The following MRE11 variants were observed in gnomAD, a reference collection of about 807,000 sequenced individuals.
MRE11 encodes the protein double-strand break repair protein MRE11.
MRE11 carries 62 observed loss-of-function variants against 91.7 expected under a neutral mutation model. The ratio of observed to expected loss-of-function variants is 0.68; its 90% confidence interval spans 0.55 to 0.84. MRE11 has a LOEUF of 0.84. MRE11 is among the 40% of genes least tolerant of loss of function. The pLI is 0.00. For synonymous variants in MRE11, 273 were observed against 271.4 expected (o/e 1.01, Z -0.06); for missense variants, 796 against 852.9 (o/e 0.93, Z 0.83).
intron 6 of MRE11, 61 bp from the exon 7 acceptor site, chr11:94,476,464 T>C: frequency 1.8e-6 from 2 of 1,124,874 alleles, no homozygotes; most frequent in South Asian, 2.5e-5. Flanking sequence ...AAAATGAATC[T>C]ATTTTGCTTC....
At chr11:94,443,668 G>A (rs1433220252) in intron 16 of MRE11, among the ~76,000 whole-genome samples, 1 of 152,124 alleles carries the variant, frequency 6.6e-6, no homozygotes, top group Admixed American at 6.5e-5. Context: ...ACACGAATGC[G>A]CCTCATGGGA....
rs1047560890 is a variant in MRE11 at position 94,449,355 on chromosome 11, C to G, written c.1564-1917G>C. Among the ~76,000 whole-genome samples the G allele has an allele frequency of 3.3e-5, 5 of 152,338 alleles. No homozygotes were observed. In the South Asian group the frequency reaches 1.0e-3, roughly 32 times the overall value. On this transcript the variant is annotated intron_variant, in intron 14 of 19. Coordinates refer to ENST00000323929, the MANE Select transcript of MRE11 (RefSeq NM_005591.4). Reference sequence around the variant, plus strand: ...CAACAGTGATTTCAATTCATCTTTCCTGTCCCACATGAAATACAGTTAATC... The same window carrying G: ...CAACAGTGATTTCAATTCATCTTTCGTGTCCCACATGAAATACAGTTAATC...
intron 3 of MRE11, among the ~76,000 whole-genome samples, chr11:94,486,533 T>G (rs956750176): frequency 6.7e-6 from 1 of 149,358 alleles, no homozygotes; most frequent in Non-Finnish European, 1.5e-5. Flanking sequence ...AAATACTGAC[T>G]CTATGCAAGA....
At position 94,418,456 on chromosome 11, in the gene MRE11, C is replaced by A. The variant is rs1156591927; in HGVS notation, c.*1669G>T. On this transcript the variant is annotated 3_prime_UTR_variant, in exon 20 of 20. Transcript: ENST00000323929. ...TGTCAGGATACTTTAGTGACCATTCCCTCACTATAACTCTCACCCAGACCC... is the reference window on the plus strand; with the variant it reads ...TGTCAGGATACTTTAGTGACCATTCACTCACTATAACTCTCACCCAGACCC... 1 of 232,052 alleles carries A rather than the reference C, an allele frequency of 4.3e-6. No individual in the cohort carries two copies. The highest frequency in any genetic ancestry group is 2.2e-5 in the African/African-American group (1 of 45,208). The allele number at this position is 232,052 out of a possible 1,614,324, so 14.4% of individuals were successfully genotyped here.
At chr11:94,456,552 T>C (rs1946253029) in intron 13 of MRE11, among the ~76,000 whole-genome samples, 1 of 152,142 alleles carries the variant, frequency 6.6e-6, no homozygotes. Context: ...AGCAAAATTA[T>C]ATTACCTGCT....
intron 18 of MRE11, among the ~76,000 whole-genome samples, chr11:94,435,364 G>A (rs920143440): frequency 2.6e-5 from 4 of 152,108 alleles, no homozygotes; most frequent in African/African-American, 9.7e-5. Context: ...AGACCAGCTT[G>A]GGCAACATGG....
chr11:94,440,219 T>C (rs1479393554), intron 16 of MRE11, among the ~76,000 whole-genome samples: 1 of 152,244 alleles, frequency 6.6e-6, no homozygotes, highest in Non-Finnish European at 1.5e-5. Flanking sequence ...CATAGATGAA[T>C]ACTGTTTCCT....
At chr11:94,446,421 T>C (rs1945933752) in intron 15 of MRE11, among the ~76,000 whole-genome samples, 1 of 151,674 alleles carries the variant, frequency 6.6e-6, no homozygotes, top group Admixed American at 6.6e-5. Flanking sequence ...TCAAGAAAAA[T>C]TAAAAAACAA....
At chr11:94,499,851 G>A in the MRE11 span, among the ~76,000 whole-genome samples, 1 of 151,986 alleles carries the variant, frequency 6.6e-6, no homozygotes, top group African/African-American at 2.4e-5. Context: ...GCCATCCTAC[G>A]TAACCCAGTC....
the MRE11 span, among the ~76,000 whole-genome samples, chr11:94,502,154 T>C: frequency 2.3e-3 from 347 of 152,340 alleles, 2 homozygotes; most frequent in African/African-American, 7.9e-3. Flanking sequence ...CTCTCTGAGA[T>C]AATCATTGTA....
chr11:94,422,026 T>G (rs972432068), intron 19 of MRE11, among the ~76,000 whole-genome samples: 1 of 152,208 alleles, frequency 6.6e-6, no homozygotes, highest in Non-Finnish European at 1.5e-5. Context: ...TAATAATGGT[T>G]AGTTTTATGT....
intron 13 of MRE11, 37 bp from the exon 14 acceptor site, chr11:94,456,375 T>TGA (rs751004671): frequency 5.3e-6 from 8 of 1,500,914 alleles, no homozygotes; most frequent in Non-Finnish European, 7.4e-6. Flanking sequence ...ACATGTTGCC[T>TGA]ATTCCAGTTA....
chr11:94,501,343 A>C, the MRE11 span, among the ~76,000 whole-genome samples: 1 of 152,194 alleles, frequency 6.6e-6, no homozygotes, highest in African/African-American at 2.4e-5. Flanking sequence ...GATACCTCAT[A>C]TAAGAGGACT....
chr11:94,512,100 T>A, the MRE11 span, among the ~76,000 whole-genome samples: 1 of 152,204 alleles, frequency 6.6e-6, no homozygotes, highest in East Asian at 1.9e-4. Context: ...TGCACACCGG[T>A]TCCACTTCTA....
At chr11:94,421,351 G>A (rs942750337) in intron 19 of MRE11, among the ~76,000 whole-genome samples, 1 of 152,198 alleles carries the variant, frequency 6.6e-6, no homozygotes, top group Admixed American at 6.5e-5. Flanking sequence ...TATCTCTGAT[G>A]AGTAATGGAT....
intron 14 of MRE11, among the ~76,000 whole-genome samples, chr11:94,451,088 C>A (rs563503922): frequency 6.6e-6 from 1 of 151,522 alleles, no homozygotes; most frequent in Non-Finnish European, 1.5e-5. Context: ...AGTTAGAGAC[C>A]AGCCTGGGCA....
chr11:94,498,634 T>C (rs915895929), upstream of MRE11: 4 of 983,174 alleles, frequency 4.1e-6, no homozygotes, highest in African/African-American at 6.6e-5. Context: ...CTACAAAAAT[T>C]CAGTGACATT....
rs1222798332 is a variant in MRE11, at chr11:94,416,026, G to A, written c.*4099C>T. 1 of 152,316 alleles carries A rather than the reference G, an allele frequency of 6.6e-6. No homozygotes were observed. Among genetic ancestry groups the A allele is most frequent in the Non-Finnish European group, 1.5e-5 (1 of 68,122 alleles). The allele number at this position is 152,316 out of a possible 1,614,324, so 9.4% of individuals were successfully genotyped here. A position where few individuals can be genotyped will look rare whatever the true frequency, so the allele number is the denominator to read the frequency against. On this transcript the variant is annotated 3_prime_UTR_variant, in exon 20 of 20. Transcript: ENST00000323929. ...GGGTTTCGCCATGTTGGCCCTGCTG[G>A]TCTCGAACTCCTGACCTCAGGTGAT...
intron 13 of MRE11, among the ~76,000 whole-genome samples, 177 bp downstream of exon 13, chr11:94,459,231 T>C (rs560611243): frequency 6.6e-6 from 1 of 152,334 alleles, no homozygotes; most frequent in Admixed American, 6.5e-5. Context: ...CAAGACTCTG[T>C]TCTAGGCATT....
Sources: gnomAD v4.1 joint callset for allele counts (sites outside exome capture counted in the v4.1 genomes callset) on GRCh38, gnomAD v4.1.1 for gene constraint, MANE v1.5 for transcripts, NCBI Gene and HGNC (gene_info 2026-07-23, HGNC 2026-07-21) for gene names.